The following TNFSF8 variants were observed in gnomAD, a reference collection of about 807,000 sequenced individuals.
TNFSF8 encodes tumor necrosis factor ligand superfamily member 8.
Under a neutral mutation model 22.0 loss-of-function variants are expected in TNFSF8, and 4 were observed. The ratio of observed to expected loss-of-function variants is 0.18; its 90% CI spans 0.09 to 0.42. TNFSF8 has a LOEUF of 0.42. TNFSF8 is among the 10% of genes least tolerant of loss of function. The pLI is 1.00. For synonymous variants in TNFSF8, 106 were observed against 112.5 expected (o/e 0.94, Z 0.37); for missense variants, 233 against 281.8 (o/e 0.83, Z 1.24).
intron 1 of TNFSF8, among the ~76,000 whole-genome samples, chr9:114,927,789 C>T (rs1828082043): frequency 6.6e-6 from 1 of 152,176 alleles, no homozygotes; most frequent in Admixed American, 6.5e-5. Flanking sequence ...TAACTCATTC[C>T]ATTTTTAATA....
chr9:114,919,023 T>TAA (rs1460479645), intron 1 of TNFSF8, among the ~76,000 whole-genome samples: 4 of 151,872 alleles, frequency 2.6e-5, no homozygotes, highest in Non-Finnish European at 4.4e-5. Context: ...TAGATGTGTT[T>TAA]TTTTTTTTTC....
At chr9:114,915,515 A>C (rs976182795) in intron 2 of TNFSF8, among the ~76,000 whole-genome samples, 1 of 152,144 alleles carries the variant, frequency 6.6e-6, no homozygotes, top group Non-Finnish European at 1.5e-5. Flanking sequence ...AAAGTCAGGT[A>C]CTGCCTCCAG....
In TNFSF8 at chr9:114,927,012, A is replaced by ATATTTATAATATAAAATGTTTATTTT. The variant is rs1466550753; in HGVS notation, c.195+3096_195+3097insAAAATAAACATTTTATATTATAAATA. ...TTATAATATAAAATGTTTATTTTAT[A>ATATTTATAATATAAAATGTTTATTTT]ATATATTTATAACATAAAATGTTTA... On this transcript the variant is annotated intron_variant, in intron 1 of 3. Transcript: ENST00000223795. Among the ~76,000 whole-genome samples the ATATTTATAATATAAAATGTTTATTTT allele has an allele frequency of 1.1e-4, 11 of 102,002 alleles. No homozygotes were observed. The African/African-American group carries it at 1.4e-3, about 13-fold the overall frequency. The allele number at this position is 102,002 out of a possible 152,430, so 66.9% of individuals were successfully genotyped here. A position where few individuals can be genotyped will look rare whatever the true frequency, so the allele number is the denominator to read the frequency against.
intron 2 of TNFSF8, among the ~76,000 whole-genome samples, chr9:114,917,702 A>G (rs994944715): frequency 2.6e-5 from 4 of 152,214 alleles, no homozygotes; most frequent in African/African-American, 7.2e-5. Flanking sequence ...CAATACCTTG[A>G]TGAGGTGAGT....
At chr9:114,923,518 CTTTCTTT>C (rs1298413389) in intron 1 of TNFSF8, among the ~76,000 whole-genome samples, 3 of 83,616 alleles carry the variant, frequency 3.6e-5, no homozygotes, top group African/African-American at 8.1e-5. Context: ...TTCTTTCTTT[CTTTCTTT>C]TTTTTTTTTT....
At chr9:114,917,515 T>C (rs891076833) in intron 2 of TNFSF8, among the ~76,000 whole-genome samples, 1 of 152,228 alleles carries the variant, frequency 6.6e-6, no homozygotes, top group African/African-American at 2.4e-5. Flanking sequence ...CTGAGGCTAG[T>C]AGAGACGACG....
intron 1 of TNFSF8, among the ~76,000 whole-genome samples, chr9:114,919,308 T>A (rs1465762179): frequency 6.6e-6 from 1 of 152,140 alleles, no homozygotes; most frequent in Non-Finnish European, 1.5e-5. Context: ...AATAAATATA[T>A]ACATAAATAT....
At position 114,903,749 on chromosome 9, in the gene TNFSF8, A is replaced by G. The variant is rs2131340754; in HGVS notation, c.*182T>C. 1.1e-5 allele frequency: 15 copies of G among 1,363,536 alleles called. No homozygotes were observed. The highest frequency in any genetic ancestry group is 8.5e-6 in the Non-Finnish European group (9 of 1,063,604). The allele number at this position is 1,363,536 out of a possible 1,614,324, so 84.5% of individuals were successfully genotyped here. A position where few individuals can be genotyped will look rare whatever the true frequency, so the allele number is the denominator to read the frequency against. ...CTGCCTGCTATCTGAAAGATACTTCACTAAAAACTCTCTTTTTAACCCTGG... is the reference window on the plus strand; with the variant it reads ...CTGCCTGCTATCTGAAAGATACTTCGCTAAAAACTCTCTTTTTAACCCTGG... On this transcript the variant is annotated 3_prime_UTR_variant, in exon 4 of 4. Transcript: ENST00000223795.
At chr9:114,908,120 C>G (rs1827806856) in intron 2 of TNFSF8, among the ~76,000 whole-genome samples, 1 of 152,230 alleles carries the variant, frequency 6.6e-6, no homozygotes, top group Non-Finnish European at 1.5e-5. Flanking sequence ...GCAGTCAGCT[C>G]CTCCAGGATA....
In TNFSF8 at chr9:114,901,834, A is replaced by G. The variant is rs1003542954; in HGVS notation, c.*2097T>C. 1.1e-6 allele frequency: 1 copy of G among 952,052 alleles called. No individual in the cohort carries two copies. The highest frequency in any genetic ancestry group is 1.8e-5 in the African/African-American group (1 of 56,514). 59.0% of individuals were successfully genotyped at this position (952,052 alleles called of 1,614,324 possible). On this transcript the variant is annotated 3_prime_UTR_variant, in exon 4 of 4. Coordinates refer to ENST00000223795, the MANE Select transcript of TNFSF8 (RefSeq NM_001244.4). ...ACCTAGGAGGAGGTTGACACAGCAC[A>G]CTGCTCAGCAGATGACTTAAAATTT...
In TNFSF8 at chr9:114,906,031, G is replaced by T. The variant is rs548954562; in HGVS notation, c.239-132C>A. On this transcript the variant is annotated intron_variant, in intron 2 of 3. Coordinates refer to ENST00000223795, the MANE Select transcript of TNFSF8 (RefSeq NM_001244.4). ...TTCCATTTTCAGAATAAGGAGAAAAGCTCTTTATTTCTCATTTTGCCATCA... is the reference window on the plus strand; with the variant it reads ...TTCCATTTTCAGAATAAGGAGAAAATCTCTTTATTTCTCATTTTGCCATCA... 1.3e-4 allele frequency: 82 copies of T among 616,432 alleles called. No homozygotes were observed. The East Asian group carries it at 2.2e-3, about 17-fold the overall frequency. 38.2% of individuals were successfully genotyped at this position (616,432 alleles called of 1,614,324 possible).
chr9:114,903,744 A>G lies in TNFSF8; in HGVS notation c.*187T>C. 1.5e-6 allele frequency: 2 copies of G among 1,356,580 alleles called. No individual in the cohort carries two copies. The highest frequency in any genetic ancestry group is 1.9e-6 in the Non-Finnish European group (2 of 1,059,572). 84.0% of individuals were successfully genotyped at this position (1,356,580 alleles called of 1,614,324 possible). A position where few individuals can be genotyped will look rare whatever the true frequency, so the allele number is the denominator to read the frequency against. On this transcript the variant is annotated 3_prime_UTR_variant, in exon 4 of 4. Coordinates refer to ENST00000223795, the MANE Select transcript of TNFSF8 (RefSeq NM_001244.4). ...CTTCCCTGCCTGCTATCTGAAAGAT[A>G]CTTCACTAAAAACTCTCTTTTTAAC...
At chr9:114,916,521 G>A (rs561680391) in intron 2 of TNFSF8, among the ~76,000 whole-genome samples, 17 of 152,288 alleles carry the variant, frequency 1.1e-4, no homozygotes, top group African/African-American at 4.1e-4. Flanking sequence ...ATCTTCCTTG[G>A]AAAGTCTGGG....
chr9:114,901,911 C>T lies in TNFSF8; in HGVS notation c.*2020G>A, dbSNP rs1827720763. ...GTCCCTTTCATCCATACCACCACTG[C>T]TGATTTGTTCTTTCTTTTTTTCTTT... is the stretch of plus-strand genomic sequence containing the variant. On this transcript the variant is annotated 3_prime_UTR_variant, in exon 4 of 4. Coordinates refer to ENST00000223795, the MANE Select transcript of TNFSF8 (RefSeq NM_001244.4). The T allele has an allele frequency of 4.1e-6, 4 of 976,174 alleles. No homozygotes were observed. The South Asian group carries it at 1.9e-4, about 46-fold the overall frequency. The allele number at this position is 976,174 out of a possible 1,614,324, so 60.5% of individuals were successfully genotyped here.
downstream of TNFSF8, among the ~76,000 whole-genome samples, chr9:114,899,721 C>T (rs975271893): frequency 1.3e-5 from 2 of 152,166 alleles, no homozygotes; most frequent in Admixed American, 1.3e-4. Flanking sequence ...ACCTGGCACT[C>T]ACTGGCACTT....
chr9:114,896,687 C>T (rs1023852575), downstream of TNFSF8, among the ~76,000 whole-genome samples: 3 of 152,086 alleles, frequency 2.0e-5, no homozygotes, highest in African/African-American at 7.2e-5. Flanking sequence ...CACAAAATGA[C>T]TAGAATAGCA....
intron 2 of TNFSF8, among the ~76,000 whole-genome samples, chr9:114,912,518 T>C (rs1458555746): frequency 6.6e-6 from 1 of 152,216 alleles, no homozygotes; most frequent in Non-Finnish European, 1.5e-5. Flanking sequence ...GCCTCTTGAG[T>C]AGCTGGGACT....
At chr9:114,919,036 T>G (rs1827955086) in intron 1 of TNFSF8, among the ~76,000 whole-genome samples, 1 of 150,340 alleles carries the variant, frequency 6.7e-6, no homozygotes. Flanking sequence ...TTTTTTTCCA[T>G]GTTTGATTCA....
chr9:114,900,090 T>C (rs1460088380), downstream of TNFSF8, among the ~76,000 whole-genome samples: 3 of 152,202 alleles, frequency 2.0e-5, no homozygotes, highest in African/African-American at 7.2e-5. Flanking sequence ...TACTCTACAA[T>C]AACTCTACTA....
Sources: allele counts gnomAD v4.1 joint callset (sites outside exome capture counted in the v4.1 genomes callset), GRCh38; gene constraint gnomAD v4.1.1; transcripts MANE v1.5; gene names NCBI Gene and HGNC (gene_info 2026-07-23, HGNC 2026-07-21).